The following LDLRAD4 variants were observed in gnomAD, a reference collection of about 807,000 sequenced individuals.
The protein encoded by LDLRAD4 is low-density lipoprotein receptor class A domain-containing protein 4.
LDLRAD4 carries 5 observed loss-of-function variants against 17.0 expected under a neutral mutation model. The observed-to-expected ratio is 0.29, with a 90% CI of 0.15 to 0.62. The LOEUF (loss-of-function observed/expected upper bound fraction) is 0.62, where lower values mean the gene tolerates loss of function less well. Among genes scored for constraint, LDLRAD4 ranks in the 20% least tolerant of loss-of-function variants. LDLRAD4 has a pLI of 0.84. For missense variants in LDLRAD4, 340 were observed against 424.7 expected (o/e 0.80, Z 1.75); for synonymous variants, 168 against 171.8 (o/e 0.98, Z 0.17).
chr18:13,245,347 T>G (rs553016286), intron 1 of LDLRAD4, among the ~76,000 whole-genome samples: 1 of 152,300 alleles, frequency 6.6e-6, no homozygotes, highest in African/African-American at 2.4e-5. Context: ...TGGATTCAGG[T>G]GATATCAATT....
intron 1 of LDLRAD4, among the ~76,000 whole-genome samples, chr18:13,246,144 G>A (rs1253408043): frequency 2.6e-5 from 4 of 152,230 alleles, no homozygotes; most frequent in Non-Finnish European, 4.4e-5. Context: ...TGCGAACAAC[G>A]ATAAATTCAG....
chr18:13,385,704 A>G (rs1467535969), intron 1 of LDLRAD4, among the ~76,000 whole-genome samples: 2 of 152,170 alleles, frequency 1.3e-5, no homozygotes, highest in African/African-American at 4.8e-5. Flanking sequence ...GATAAATTCC[A>G]TTTCCCAAAG....
intron 2 of LDLRAD4, among the ~76,000 whole-genome samples, chr18:13,410,468 C>T (rs1259703457): frequency 6.6e-6 from 1 of 152,212 alleles, no homozygotes; most frequent in Non-Finnish European, 1.5e-5. Context: ...CTCTTCCTCA[C>T]ATTTAAAATT....
intron 1 of LDLRAD4, among the ~76,000 whole-genome samples, chr18:13,316,980 G>A (rs757293465): frequency 3.9e-5 from 6 of 152,262 alleles, no homozygotes; most frequent in Non-Finnish European, 8.8e-5. Flanking sequence ...AGTTAATACC[G>A]AGATTGTCAA....
chr18:13,284,232 G>C lies in LDLRAD4; in HGVS notation c.-383+6044G>C, dbSNP rs528929407. 3.3e-5 allele frequency among the ~76,000 whole-genome samples: 5 copies of C among 152,286 alleles called. No individual in the cohort carries two copies. The South Asian group carries it at 1.0e-3, about 32-fold the overall frequency. On this transcript the variant is annotated intron_variant, in intron 1 of 5. Coordinates refer to ENST00000359446, the Ensembl canonical transcript of LDLRAD4. Reference sequence around the variant, plus strand: ...CAGCCCGCAGGAAGAAAGTCCCGTGGTGGGAACACCACTTTCAGAGGTGGG... The same window carrying C: ...CAGCCCGCAGGAAGAAAGTCCCGTGCTGGGAACACCACTTTCAGAGGTGGG...
chr18:13,591,116 G>T (rs2095022030), intron 3 of LDLRAD4, among the ~76,000 whole-genome samples: 1 of 152,202 alleles, frequency 6.6e-6, no homozygotes, highest in Non-Finnish European at 1.5e-5. Context: ...CAGAAAGACA[G>T]AGCCCAAATC....
intron 3 of LDLRAD4, among the ~76,000 whole-genome samples, chr18:13,572,189 G>A (rs1016846604): frequency 3.3e-5 from 5 of 152,192 alleles, no homozygotes; most frequent in African/African-American, 7.2e-5. Flanking sequence ...TGAACCTATC[G>A]GCAGCCTTAA....
chr18:13,491,625 C>T (rs1369328803), intron 3 of LDLRAD4: 1 of 152,054 alleles, frequency 6.6e-6, no homozygotes, highest in Non-Finnish European at 1.5e-5. Context: ...AAGATGCTAA[C>T]GTTTGATTTT....
chr18:13,595,282 G>A (rs2095081480), intron 3 of LDLRAD4, among the ~76,000 whole-genome samples: 1 of 151,254 alleles, frequency 6.6e-6, no homozygotes, highest in South Asian at 2.1e-4. Flanking sequence ...TATTCCTTTT[G>A]GTCCAGTGTC....
chr18:13,516,826 A>G (rs897417717), intron 3 of LDLRAD4, among the ~76,000 whole-genome samples: 1 of 152,176 alleles, frequency 6.6e-6, no homozygotes, highest in Non-Finnish European at 1.5e-5. Context: ...TTCCTTAGGC[A>G]GCTGGCATCC....
chr18:13,517,349 C>G (rs529570741), intron 3 of LDLRAD4, among the ~76,000 whole-genome samples: 1 of 152,332 alleles, frequency 6.6e-6, no homozygotes, highest in African/African-American at 2.4e-5. Context: ...GGATGACTCC[C>G]CATGTGGGAC....
chr18:13,243,256 C>G (rs576063402), intron 1 of LDLRAD4, among the ~76,000 whole-genome samples: 1 of 152,214 alleles, frequency 6.6e-6, no homozygotes, highest in Non-Finnish European at 1.5e-5. Context: ...GAGTTGTCCC[C>G]GGCCTCTTCC....
At chr18:13,432,596 T>C (rs2090416015) in intron 2 of LDLRAD4, among the ~76,000 whole-genome samples, 1 of 152,256 alleles carries the variant, frequency 6.6e-6, no homozygotes, top group African/African-American at 2.4e-5. Flanking sequence ...GTGGCTTGTT[T>C]GGTTGGAATT....
At chr18:13,296,759 G>A (rs2046302927) in intron 1 of LDLRAD4, among the ~76,000 whole-genome samples, 1 of 152,132 alleles carries the variant, frequency 6.6e-6, no homozygotes, top group Admixed American at 6.5e-5. Context: ...AAGAGCAGAA[G>A]CCATCCATTC....
intron 1 of LDLRAD4, among the ~76,000 whole-genome samples, chr18:13,263,136 G>A (rs2044002172): frequency 6.9e-6 from 1 of 145,366 alleles, no homozygotes; most frequent in Non-Finnish European, 1.5e-5. Flanking sequence ...CTGTGCGTGG[G>A]GGCTGAGTCC....
At chr18:13,603,859 CTCTT>C (rs751666707) in intron 3 of LDLRAD4, among the ~76,000 whole-genome samples, 3 of 152,260 alleles carry the variant, frequency 2.0e-5, no homozygotes, top group Non-Finnish European at 4.4e-5. Context: ...GTTCCTGGCT[CTCTT>C]TGTCTCCTGC....
At chr18:13,640,056 G>C (rs910686907) in intron 4 of LDLRAD4, among the ~76,000 whole-genome samples, 10 of 152,162 alleles carry the variant, frequency 6.6e-5, no homozygotes, top group African/African-American at 2.4e-4. Flanking sequence ...GGAGGCCGAG[G>C]CGGGTGAATC....
rs542358921 is a variant in LDLRAD4 at position 13,480,544 on chromosome 18, G to A, written c.181+42160G>A. Among the ~76,000 whole-genome samples the A allele has an allele frequency of 1.8e-4, 28 of 152,248 alleles. No individual in the cohort carries two copies. In the South Asian group the frequency reaches 3.7e-3, roughly 20 times the overall value. On this transcript the variant is annotated intron_variant, in intron 3 of 5. Transcript: ENST00000359446. ...AGAATGTACAAGAGTGAACCCTAACGAAGGCCACAGACTCTGGGTGATGAA... is the reference window on the plus strand; with the variant it reads ...AGAATGTACAAGAGTGAACCCTAACAAAGGCCACAGACTCTGGGTGATGAA...
At chr18:13,338,336 G>A (rs771497895) in intron 1 of LDLRAD4, among the ~76,000 whole-genome samples, 1 of 152,170 alleles carries the variant, frequency 6.6e-6, no homozygotes, top group Non-Finnish European at 1.5e-5. Context: ...TCAGGGATGA[G>A]TGGGTAAAAT....
Sources: allele counts gnomAD v4.1 joint callset (sites outside exome capture counted in the v4.1 genomes callset), GRCh38; gene constraint gnomAD v4.1.1; transcripts MANE v1.5; gene names NCBI Gene and HGNC (gene_info 2026-07-23, HGNC 2026-07-21).